The following CNTN1 variants were observed in gnomAD, a reference collection of about 807,000 sequenced individuals.
CNTN1 encodes the protein contactin 1.
Under a neutral mutation model 126.4 loss-of-function variants are expected in CNTN1, and 38 were observed. That is an observed-to-expected ratio of 0.30 (90% confidence interval 0.23 to 0.39). CNTN1 has a LOEUF of 0.39. CNTN1 is among the 10% of genes least tolerant of loss of function. The probability of loss-of-function intolerance (pLI) is 1.00; values close to 1 mark genes in which losing one functional copy is unlikely to be tolerated. For missense variants in CNTN1, 1,009 were observed against 1,248.4 expected (o/e 0.81, Z 2.89); for synonymous variants, 413 against 422.6 (o/e 0.98, Z 0.28).
At chr12:40,785,284 T>C (rs1033316717) in intron 1 of CNTN1, among the ~76,000 whole-genome samples, 2 of 152,142 alleles carry the variant, frequency 1.3e-5, no homozygotes, top group Non-Finnish European at 2.9e-5. Flanking sequence ...ACAGGAAGCA[T>C]GGTGCCAGCA....
intron 1 of CNTN1, among the ~76,000 whole-genome samples, chr12:40,710,186 T>C (rs1202786945): frequency 6.6e-6 from 1 of 152,160 alleles, no homozygotes; most frequent in African/African-American, 2.4e-5. Flanking sequence ...TATGAAATCT[T>C]ATGAATCTTA....
chr12:40,735,720 C>G (rs1937645838), intron 1 of CNTN1, among the ~76,000 whole-genome samples: 1 of 152,070 alleles, frequency 6.6e-6, no homozygotes, highest in South Asian at 2.1e-4. Context: ...AATATCAAAT[C>G]AGCGTGCAGG....
intron 6 of CNTN1, among the ~76,000 whole-genome samples, chr12:40,925,222 C>T (rs1945600382): frequency 6.6e-6 from 1 of 151,690 alleles, no homozygotes; most frequent in Non-Finnish European, 1.5e-5. Flanking sequence ...AGACAAAAGC[C>T]ACCAAAGTGC....
At chr12:41,061,133 A>G (rs980339233) in intron 23 of CNTN1, among the ~76,000 whole-genome samples, 1 of 152,192 alleles carries the variant, frequency 6.6e-6, no homozygotes, top group Non-Finnish European at 1.5e-5. Context: ...TTGCATTTCT[A>G]AAGAAGTAGG....
intron 20 of CNTN1, among the ~76,000 whole-genome samples, chr12:41,023,209 A>G (rs1220770233): frequency 6.6e-6 from 1 of 152,204 alleles, no homozygotes; most frequent in Non-Finnish European, 1.5e-5. Flanking sequence ...AGAAAGCAGC[A>G]CATTGAAAAC....
At chr12:40,889,426 C>T (rs1413654619) in intron 1 of CNTN1, among the ~76,000 whole-genome samples, 1 of 152,180 alleles carries the variant, frequency 6.6e-6, no homozygotes, top group Non-Finnish European at 1.5e-5. Flanking sequence ...TTTACATATT[C>T]TGTACAAATA....
intron 18 of CNTN1, among the ~76,000 whole-genome samples, 199 bp from the exon 19 acceptor site, chr12:41,016,483 T>C (rs1204159907): frequency 6.6e-6 from 1 of 151,614 alleles, no homozygotes; most frequent in Non-Finnish European, 1.5e-5. Context: ...GTTCTAGGAG[T>C]AGTGAGGCTA....
intron 16 of CNTN1, among the ~76,000 whole-genome samples, chr12:40,986,245 G>T (rs1947951596): frequency 6.6e-6 from 1 of 152,086 alleles, no homozygotes; most frequent in Non-Finnish European, 1.5e-5. Flanking sequence ...TTGACAGTGG[G>T]TCATATTTCT....
chr12:40,759,774 A>ATTTTTTTTTTTTTTTTTTTT lies in CNTN1; in HGVS notation c.-77+67201_-77+67202insTTTTTTTTTTTTTTTTTTTT, dbSNP rs33992864. 8.2e-4 allele frequency among the ~76,000 whole-genome samples: 110 copies of ATTTTTTTTTTTTTTTTTTTT among 133,534 alleles called. 1 individual carries two copies. Among genetic ancestry groups the ATTTTTTTTTTTTTTTTTTTT allele is most frequent in the African/African-American group, 2.9e-3 (105 of 35,614 alleles). The allele number at this position is 133,534 out of a possible 152,430, so 87.6% of individuals were successfully genotyped here. A position where few individuals can be genotyped will look rare whatever the true frequency, so the allele number is the denominator to read the frequency against. Reference sequence around the variant, plus strand: ...GTGAGCCACCTCACTTGGCCCAGATATTTTTTTTTTTTTTTTTTTCAAAAA... The same window carrying ATTTTTTTTTTTTTTTTTTTT: ...GTGAGCCACCTCACTTGGCCCAGATATTTTTTTTTTTTTTTTTTTTTTTTTTTTTTTTTTTTTTTCAAAAA... On this transcript the variant is annotated intron_variant, in intron 1 of 23. Coordinates refer to ENST00000551295, the MANE Select transcript of CNTN1 (RefSeq NM_001843.4).
At chr12:41,008,038 C>T (rs73116977) in intron 17 of CNTN1, among the ~76,000 whole-genome samples, 2,163 of 152,236 alleles carry the variant, frequency 0.014, 43 homozygotes, top group African/African-American at 0.049. Flanking sequence ...GGAGTGGTAA[C>T]CCTAATTGCT....
chr12:40,825,143 G>A (rs1005668287), intron 1 of CNTN1, among the ~76,000 whole-genome samples: 3 of 152,062 alleles, frequency 2.0e-5, no homozygotes, highest in African/African-American at 7.2e-5. Context: ...TTAAATGAAT[G>A]GGCTATGTTA....
chr12:41,007,863 C>T (rs554305419), intron 17 of CNTN1, among the ~76,000 whole-genome samples: 1 of 152,326 alleles, frequency 6.6e-6, no homozygotes, highest in African/African-American at 2.4e-5. Flanking sequence ...CCCATGCAAG[C>T]TCCCAGCTTG....
intron 23 of CNTN1, among the ~76,000 whole-genome samples, chr12:41,037,514 A>G (rs554421224): frequency 6.6e-6 from 1 of 152,282 alleles, no homozygotes; most frequent in Admixed American, 6.5e-5. Context: ...CCTTCTAGGT[A>G]TAGTCATATG....
chr12:40,797,183 A>G (rs1296540858), intron 1 of CNTN1, among the ~76,000 whole-genome samples: 4 of 152,144 alleles, frequency 2.6e-5, no homozygotes, highest in South Asian at 2.1e-4. Context: ...GATCCCAGAC[A>G]TCAGGAAAGA....
intron 1 of CNTN1, among the ~76,000 whole-genome samples, chr12:40,820,381 A>T (rs1486002791): frequency 6.6e-6 from 1 of 152,214 alleles, no homozygotes; most frequent in African/African-American, 2.4e-5. Context: ...TTCAAACCAT[A>T]GCAGTGGCTC....
intron 17 of CNTN1, among the ~76,000 whole-genome samples, chr12:40,995,614 T>A (rs71449797): frequency 0.034 from 5,151 of 152,246 alleles, 113 homozygotes; most frequent in Middle Eastern, 0.11. Flanking sequence ...AAGGACTTAG[T>A]TCCCCATCTG....
intron 1 of CNTN1, among the ~76,000 whole-genome samples, chr12:40,871,186 GAAAAAAAAAAAAAAA>G (rs201485882): frequency 1.0e-3 from 117 of 113,556 alleles, no homozygotes; most frequent in Non-Finnish European, 1.9e-3. Flanking sequence ...CTGTTACAGA[GAAAAAAAAAAAAAAA>G]AAAAAAAAAA....
intron 23 of CNTN1, among the ~76,000 whole-genome samples, chr12:41,045,759 G>A (rs996124957): frequency 2.0e-5 from 3 of 152,106 alleles, no homozygotes; most frequent in African/African-American, 7.2e-5. Context: ...AGTTTTTATA[G>A]ACACATTCTG....
intron 23 of CNTN1, among the ~76,000 whole-genome samples, chr12:41,045,328 T>C (rs1299020584): frequency 1.3e-5 from 2 of 152,152 alleles, no homozygotes; most frequent in Admixed American, 1.3e-4. Context: ...ATAGGCTGTG[T>C]TGAAATTTGT....
Sources: allele counts gnomAD v4.1 joint callset (sites outside exome capture counted in the v4.1 genomes callset), GRCh38; gene constraint gnomAD v4.1.1; transcripts MANE v1.5; gene names NCBI Gene and HGNC (gene_info 2026-07-23, HGNC 2026-07-21).